The following ATP6V1C2 variants were observed in gnomAD, a reference collection of about 807,000 sequenced individuals.
ATP6V1C2 encodes V-type proton ATPase subunit C 2.
A neutral mutation model predicts 56.8 loss-of-function variants in ATP6V1C2; 45 were observed. The observed-to-expected ratio is 0.79, with a 90% confidence interval of 0.62 to 1.02. The LOEUF is 1.02. ATP6V1C2 is among the 50% of genes least tolerant of loss of function. The pLI is 0.00. For synonymous variants in ATP6V1C2, 220 were observed against 201.3 expected (o/e 1.09, Z -0.79); for missense variants, 463 against 519.7 (o/e 0.89, Z 1.06).
At position 10,783,449 on chromosome 2, in the gene ATP6V1C2, AT is replaced by A. The variant is rs773463524; in HGVS notation, c.*187del. 7.9e-5 allele frequency: 40 copies of A among 506,936 alleles called. No homozygotes were observed. Among genetic ancestry groups the A allele is most frequent in the Non-Finnish European group, 1.2e-4 (34 of 284,688 alleles). The allele number at this position is 506,936 out of a possible 1,614,324, so 31.4% of individuals were successfully genotyped here. On this transcript the variant is annotated 3_prime_UTR_variant, in exon 14 of 14. Coordinates refer to ENST00000272238, the MANE Select transcript of ATP6V1C2 (RefSeq NM_001039362.2). ...AATAAAATGCTCTCAAGTCCTTTGA[AT>A]GTTCCAACAAATTCAAAACTTCATT...
intron 4 of ATP6V1C2, among the ~76,000 whole-genome samples, chr2:10,757,003 CTTTTTTTTTTTTT>C (rs57191070): frequency 1.2e-5 from 1 of 81,594 alleles, no homozygotes; most frequent in African/African-American, 5.8e-5. Flanking sequence ...CATGAGGAGA[CTTTTTTTTTTTTT>C]TTTTTTTTTT....
intron 3 of ATP6V1C2, among the ~76,000 whole-genome samples, chr2:10,751,355 A>G (rs1365272524): frequency 5.3e-5 from 8 of 152,174 alleles, no homozygotes; most frequent in Non-Finnish European, 1.0e-4. Flanking sequence ...ATACCTCACA[A>G]TGGTATCAGG....
intron 3 of ATP6V1C2, among the ~76,000 whole-genome samples, chr2:10,740,573 C>G (rs1201619857): frequency 2.6e-5 from 4 of 152,216 alleles, no homozygotes; most frequent in Non-Finnish European, 5.9e-5. Context: ...ATCCCAAATG[C>G]TTGGGGGATT....
chr2:10,752,321 G>A (rs1663266842), intron 3 of ATP6V1C2, among the ~76,000 whole-genome samples: 1 of 152,130 alleles, frequency 6.6e-6, no homozygotes, highest in Non-Finnish European at 1.5e-5. Context: ...CCCTGCCTCT[G>A]TTTTCTGTGT....
chr2:10,751,599 G>C (rs951262465), intron 3 of ATP6V1C2, among the ~76,000 whole-genome samples: 1 of 152,094 alleles, frequency 6.6e-6, no homozygotes, highest in East Asian at 1.9e-4. Context: ...AGTGTGGCCT[G>C]GTGGCCGAGA....
intron 3 of ATP6V1C2, among the ~76,000 whole-genome samples, chr2:10,738,590 C>T (rs1272662713): frequency 1.3e-5 from 2 of 152,186 alleles, no homozygotes; most frequent in East Asian, 1.9e-4. Flanking sequence ...CACTTAACAC[C>T]GTGTTGGTGC....
At chr2:10,769,611 C>T (rs1029138366) in intron 6 of ATP6V1C2, among the ~76,000 whole-genome samples, 2 of 151,686 alleles carry the variant, frequency 1.3e-5, no homozygotes, top group East Asian at 1.9e-4. Context: ...GGCTGAGGCA[C>T]GAGGATCACT....
In ATP6V1C2 at chr2:10,780,016, T is replaced by C. The variant is rs1486570975; in HGVS notation, c.1061+1347T>C. Among the ~76,000 whole-genome samples the C allele has an allele frequency of 1.3e-5, 2 of 152,126 alleles. No individual in the cohort carries two copies. Among genetic ancestry groups the C allele is most frequent in the African/African-American group, 4.8e-5 (2 of 41,430 alleles). On this transcript the variant is annotated intron_variant, in intron 12 of 13. Coordinates refer to ENST00000272238, the MANE Select transcript of ATP6V1C2 (RefSeq NM_001039362.2). This position sits in a 1 kb window ranked among gnomAD's most constrained non-coding sequence, Gnocchi z 4.1. ...GGCTCCTCCAGCCCCTGAGACCCTC[T>C]GTGTGACCTTCCGGACCCCTTCCCC...
At chr2:10,771,971 C>T in intron 7 of ATP6V1C2, 34 bp downstream of exon 7, 1 of 1,582,982 alleles carries the variant, frequency 6.3e-7, no homozygotes, top group Non-Finnish European at 8.7e-7. Flanking sequence ...GAAACCGGCC[C>T]TGCCCAGTGG....
At chr2:10,755,023 G>T (rs1484415981) in intron 4 of ATP6V1C2, among the ~76,000 whole-genome samples, 1 of 151,538 alleles carries the variant, frequency 6.6e-6, no homozygotes, top group South Asian at 2.1e-4. Context: ...AATATATATA[G>T]ATATATTTTT....
intron 6 of ATP6V1C2, chr2:10,770,021 A>G (rs889317474): frequency 2.0e-5 from 3 of 152,194 alleles, no homozygotes; most frequent in African/African-American, 4.8e-5. Flanking sequence ...CACTTCTGCA[A>G]TCCACTTCTG....
chr2:10,770,622 G>C (rs527476190), intron 6 of ATP6V1C2, among the ~76,000 whole-genome samples: 1 of 152,246 alleles, frequency 6.6e-6, no homozygotes, highest in Non-Finnish European at 1.5e-5. Flanking sequence ...AGGATTGGTT[G>C]GGACTTGTGC....
At chr2:10,772,983 C>G (rs1392027416) in intron 8 of ATP6V1C2, among the ~76,000 whole-genome samples, 1 of 152,250 alleles carries the variant, frequency 6.6e-6, no homozygotes, top group Non-Finnish European at 1.5e-5. Context: ...TGAACGGCCA[C>G]AGCGGGAGCC....
chr2:10,766,027 C>G (rs529429827), intron 5 of ATP6V1C2, among the ~76,000 whole-genome samples: 1 of 152,340 alleles, frequency 6.6e-6, no homozygotes, highest in African/African-American at 2.4e-5. Flanking sequence ...CATCACTTTC[C>G]TCTGAGTGCA....
At chr2:10,781,843 C>T (rs974015268) in intron 12 of ATP6V1C2, among the ~76,000 whole-genome samples, 1 of 152,190 alleles carries the variant, frequency 6.6e-6, no homozygotes, top group Non-Finnish European at 1.5e-5. Flanking sequence ...AAAAACTCAG[C>T]GAAAATAGTA....
chr2:10,726,709 C>A, intron 3 of ATP6V1C2, 140 bp downstream of exon 3: 1 of 752,720 alleles, frequency 1.3e-6, no homozygotes, highest in Non-Finnish European at 2.3e-6. Context: ...ACCGATCAGT[C>A]CCCCTGCGGG....
At chr2:10,738,276 C>T (rs1266310994) in intron 3 of ATP6V1C2, among the ~76,000 whole-genome samples, 1 of 152,138 alleles carries the variant, frequency 6.6e-6, no homozygotes, top group African/African-American at 2.4e-5. Context: ...TCTCCTTTGC[C>T]TCCCCTGCCT....
chr2:10,739,283 CA>C (rs1662419573), intron 3 of ATP6V1C2, among the ~76,000 whole-genome samples: 1 of 144,590 alleles, frequency 6.9e-6, no homozygotes, highest in Non-Finnish European at 1.5e-5. Flanking sequence ...AACTCCGTCT[CA>C]AAAATAAATA....
intron 3 of ATP6V1C2, among the ~76,000 whole-genome samples, chr2:10,731,261 C>A (rs1661937258): frequency 6.6e-6 from 1 of 152,200 alleles, no homozygotes; most frequent in South Asian, 2.1e-4. Context: ...CATTCATAGT[C>A]TTTGAGAAAG....
Sources: gnomAD v4.1 joint callset for allele counts (sites outside exome capture counted in the v4.1 genomes callset) on GRCh38, gnomAD v4.1.1 for gene constraint, Gnocchi (gnomAD v3.1) non-coding constraint, MANE v1.5 for transcripts, NCBI Gene and HGNC (gene_info 2026-07-23, HGNC 2026-07-21) for gene names.